The following SLC24A2 variants were observed in gnomAD, a reference collection of about 807,000 sequenced individuals.
The protein encoded by SLC24A2 is solute carrier family 24 member 2.
SLC24A2 carries 36 observed loss-of-function variants against 62.0 expected under a neutral mutation model. The observed-to-expected ratio is 0.58, with a 90% CI of 0.44 to 0.77. The LOEUF is 0.77. Ranked by LOEUF, SLC24A2 falls within the 30% of genes least tolerant of loss-of-function variation. The pLI is 0.00. For synonymous variants in SLC24A2, 358 were observed against 294.0 expected (o/e 1.22, Z -2.23); for missense variants, 846 against 817.9 (o/e 1.03, Z -0.42).
chr9:20,066,454 C>T, the SLC24A2 span, among the ~76,000 whole-genome samples: 5 of 152,126 alleles, frequency 3.3e-5, no homozygotes, highest in Non-Finnish European at 7.4e-5. Flanking sequence ...TGGCTTAATG[C>T]ACATCTTCTG....
rs1452893246 is a variant in SLC24A2, at chr9:19,576,982, G to A, written c.1170C>T (p.Ala390=). ...TCTCATCCACATGACATTTCTTCTT[G>A]GCGATCTTGTGGAGAATTGAAGCCT... ...REKASILHKI[A]KKKCHVDENE... The change falls in exon 6 of 11, where the codon GCC becomes GCT. Residue 390 remains alanine (A), a synonymous_variant. Coordinates refer to ENST00000341998, the MANE Select transcript of SLC24A2 (RefSeq NM_020344.4). 1.2e-6 allele frequency: 2 copies of A among 1,614,002 alleles called. No individual in the cohort carries two copies. The highest frequency in any genetic ancestry group is 2.7e-5 in the African/African-American group (2 of 74,926).
the SLC24A2 span, among the ~76,000 whole-genome samples, chr9:19,812,191 G>A: frequency 6.6e-6 from 1 of 151,954 alleles, no homozygotes. Context: ...TTTCTTAGCT[G>A]CTCTGTGGAA....
chr9:19,947,521 T>G, the SLC24A2 span, among the ~76,000 whole-genome samples: 1 of 151,888 alleles, frequency 6.6e-6, no homozygotes, highest in Non-Finnish European at 1.5e-5. Context: ...CCGGGTGTGG[T>G]GGCTCACACC....
the SLC24A2 span, among the ~76,000 whole-genome samples, chr9:20,042,231 G>A: frequency 6.6e-6 from 1 of 152,166 alleles, no homozygotes; most frequent in Non-Finnish European, 1.5e-5. Flanking sequence ...TAATAAGCAG[G>A]AAGAAATGGT....
chr9:20,087,977 G>A, the SLC24A2 span, among the ~76,000 whole-genome samples: 404 of 152,314 alleles, frequency 2.7e-3, 2 homozygotes, highest in African/African-American at 8.4e-3. Flanking sequence ...CCCCAGGTCA[G>A]GAGATCCCCT....
At chr9:20,063,275 A>T in the SLC24A2 span, among the ~76,000 whole-genome samples, 1 of 151,392 alleles carries the variant, frequency 6.6e-6, no homozygotes, top group African/African-American at 2.4e-5. Context: ...GGATTAAGAA[A>T]ATGTGGCACA....
At chr9:19,644,396 T>C (rs1818583963) in intron 2 of SLC24A2, among the ~76,000 whole-genome samples, 1 of 152,224 alleles carries the variant, frequency 6.6e-6, no homozygotes, top group African/African-American at 2.4e-5. Flanking sequence ...AGGGTCTTTG[T>C]ATTTTTACAT....
the SLC24A2 span, among the ~76,000 whole-genome samples, chr9:20,056,762 A>G: frequency 1.3e-5 from 2 of 152,220 alleles, no homozygotes; most frequent in Non-Finnish European, 2.9e-5. Context: ...CAAGACCAAT[A>G]GATAGGCAGA....
At chr9:19,753,273 T>C in intron 2 of SLC24A2, among the ~76,000 whole-genome samples, 1 of 152,356 alleles carries the variant, frequency 6.6e-6, no homozygotes, top group South Asian at 2.1e-4. Context: ...AGGCAGCACA[T>C]CTGATTTCTC....
the SLC24A2 span, among the ~76,000 whole-genome samples, chr9:20,051,530 C>A: frequency 1.8e-4 from 28 of 151,832 alleles, no homozygotes; most frequent in African/African-American, 6.5e-4. Context: ...CCAAGAACTG[C>A]AATATGAGTA....
chr9:19,648,752 G>C (rs1343526908), intron 2 of SLC24A2, among the ~76,000 whole-genome samples: 2 of 152,026 alleles, frequency 1.3e-5, no homozygotes, highest in Non-Finnish European at 2.9e-5. Context: ...GGTTAGGGTT[G>C]GTTATTGGGT....
At chr9:19,722,812 T>G (rs1821066470) in intron 2 of SLC24A2, among the ~76,000 whole-genome samples, 1 of 152,116 alleles carries the variant, frequency 6.6e-6, no homozygotes, top group Admixed American at 6.6e-5. Context: ...TATTGTTGAC[T>G]TTGGCTGGGA....
chr9:20,230,791 G>C, the SLC24A2 span, among the ~76,000 whole-genome samples: 1 of 152,132 alleles, frequency 6.6e-6, no homozygotes, highest in Non-Finnish European at 1.5e-5. Context: ...TGGTGTTTTA[G>C]ACATGAAGTC....
the SLC24A2 span, among the ~76,000 whole-genome samples, chr9:19,867,153 C>T: frequency 1.4e-3 from 214 of 152,032 alleles, 1 homozygote; most frequent in Non-Finnish European, 2.5e-3. Flanking sequence ...GCATTGCATG[C>T]CTGTATCAAA....
the SLC24A2 span, among the ~76,000 whole-genome samples, chr9:19,986,608 A>T: frequency 1.3e-5 from 2 of 152,206 alleles, no homozygotes; most frequent in Non-Finnish European, 2.9e-5. Flanking sequence ...TTATTCAGCC[A>T]CAAAAAGGAA....
At chr9:20,294,029 G>C in the SLC24A2 span, among the ~76,000 whole-genome samples, 1 of 152,068 alleles carries the variant, frequency 6.6e-6, no homozygotes, top group South Asian at 2.1e-4. Context: ...CCCACTGCTT[G>C]TACATTTGCT....
chr9:20,263,504 C>T, the SLC24A2 span, among the ~76,000 whole-genome samples: 102 of 152,210 alleles, frequency 6.7e-4, no homozygotes, highest in African/African-American at 2.4e-3. Flanking sequence ...CCACCTCGGC[C>T]CCCCAAAAGC....
chr9:20,032,182 G>A, the SLC24A2 span, among the ~76,000 whole-genome samples: 1 of 152,132 alleles, frequency 6.6e-6, no homozygotes. Flanking sequence ...CTTTGGGTGG[G>A]AATTGAGGCC....
At chr9:19,989,566 G>T in the SLC24A2 span, among the ~76,000 whole-genome samples, 1 of 152,162 alleles carries the variant, frequency 6.6e-6, no homozygotes, top group Non-Finnish European at 1.5e-5. Flanking sequence ...TAAGTGATCT[G>T]TCACTATTCC....
Sources: gnomAD v4.1 joint callset for allele counts (sites outside exome capture counted in the v4.1 genomes callset) on GRCh38, gnomAD v4.1.1 for gene constraint, MANE v1.5 for transcripts, NCBI Gene and HGNC (gene_info 2026-07-23, HGNC 2026-07-21) for gene names.